ADSS1: variants seen among roughly 807,000 people sequenced by gnomAD.
The protein encoded by ADSS1 is adenylosuccinate synthetase isozyme 1.
A neutral mutation model predicts 59.1 loss-of-function variants in ADSS1; 57 were observed. The ratio of observed to expected loss-of-function variants is 0.97; its 90% confidence interval spans 0.78 to 1.20. ADSS1 has a LOEUF of 1.20. Among genes scored for constraint, ADSS1 ranks in the 50% most tolerant of loss-of-function variants. ADSS1 has a pLI of 0.00. For missense variants in ADSS1, 603 were observed against 610.3 expected (o/e 0.99, Z 0.13); for synonymous variants, 247 against 249.4 (o/e 0.99, Z 0.09).
At chr14:104,737,041 C>G (rs1053984986) in intron 2 of ADSS1, 1 of 151,838 alleles carries the variant, frequency 6.6e-6, no homozygotes, top group African/African-American at 2.4e-5. Context: ...GCCACCATGC[C>G]CCACCAGAGC....
chr14:104,738,273 C>A (rs1338656568), intron 2 of ADSS1, 103 bp from the exon 3 acceptor site: 6 of 1,229,938 alleles, frequency 4.9e-6, no homozygotes, highest in Non-Finnish European at 7.0e-6. Flanking sequence ...GCTAGGATTA[C>A]AGGCATGAGC....
chr14:104,724,476 C>G lies in ADSS1; in HGVS notation c.192+14C>G, dbSNP rs1890662298. On this transcript the variant is annotated intron_variant, in intron 1 of 12. Coordinates refer to ENST00000330877, the MANE Select transcript of ADSS1 (RefSeq NM_152328.5). Reference sequence around the variant, plus strand: ...AGCCGCTGCCAGGTGCGGGCTGGGGCGCCGGGTCCCTCCCCCACCGCCCAG... The same window carrying G: ...AGCCGCTGCCAGGTGCGGGCTGGGGGGCCGGGTCCCTCCCCCACCGCCCAG... The G allele has an allele frequency of 8.1e-7, 1 of 1,238,498 alleles. No individual in the cohort carries two copies. Among genetic ancestry groups the G allele is most frequent in the South Asian group, 4.1e-5 (1 of 24,440 alleles). 76.7% of individuals were successfully genotyped at this position (1,238,498 alleles called of 1,614,324 possible).
intron 8 of ADSS1, 29 bp from the exon 9 acceptor site, chr14:104,741,819 T>C: frequency 6.2e-7 from 1 of 1,610,200 alleles, no homozygotes; most frequent in Non-Finnish European, 8.5e-7. Flanking sequence ...GGGTGACAGG[T>C]AGCCCCCTAA....
At chr14:104,742,112 C>A in intron 9 of ADSS1, 110 bp downstream of exon 9, 1 of 1,397,782 alleles carries the variant, frequency 7.2e-7, no homozygotes, top group Non-Finnish European at 9.8e-7. Context: ...CTTGCCAGTG[C>A]CATCTCCCCA....
intron 10 of ADSS1, chr14:104,743,423 C>T (rs1891445541): frequency 7.5e-6 from 4 of 536,884 alleles, no homozygotes; most frequent in Middle Eastern, 8.5e-4. Flanking sequence ...GGGCTGATGC[C>T]GTGAAGGATG....
intron 5 of ADSS1, 111 bp downstream of exon 5, chr14:104,739,927 T>A: frequency 8.6e-7 from 1 of 1,165,144 alleles, no homozygotes; most frequent in Non-Finnish European, 1.2e-6. Context: ...CTCAACCCAC[T>A]CAAAGCCCCT....
intron 11 of ADSS1, chr14:104,745,898 C>A: frequency 5.6e-6 from 1 of 177,506 alleles, no homozygotes; most frequent in Admixed American, 6.4e-5. Context: ...TTCAGGATCC[C>A]TTAGTGCTTC....
chr14:104,747,243 C>T lies in ADSS1; in HGVS notation c.*240C>T. ...CAAAGTGCTCAGAGACCTTCTATGA[C>T]ACATTAGTGTCACATGGTTGCGTGT... On this transcript the variant is annotated 3_prime_UTR_variant, in exon 13 of 13. Coordinates refer to ENST00000330877, the MANE Select transcript of ADSS1 (RefSeq NM_152328.5). The T allele has an allele frequency of 2.5e-6, 1 of 401,600 alleles. No individual in the cohort carries two copies. Among genetic ancestry groups the T allele is most frequent in the Non-Finnish European group, 4.5e-6 (1 of 222,700 alleles). The allele number at this position is 401,600 out of a possible 1,614,324, so 24.9% of individuals were successfully genotyped here.
rs148757854 is a variant in ADSS1 at position 104,729,984 on chromosome 14, C to T, written c.193-5036C>T. On this transcript the variant is annotated intron_variant, in intron 1 of 12. Coordinates refer to ENST00000330877, the MANE Select transcript of ADSS1 (RefSeq NM_152328.5). The stretch of plus-strand genomic sequence containing the variant: ...GCCCTGACCCTCAGCTCGTCCCCAG[C>T]TCACAGCACAGCCCTCCCCTGGCTG... 8 of 1,596,940 alleles carry T rather than the reference C, an allele frequency of 5.0e-6. No individual in the cohort carries two copies. Among genetic ancestry groups the T allele is most frequent in the African/African-American group, 1.3e-5 (1 of 74,328 alleles).
At chr14:104,739,111 C>T (rs565849262) in intron 3 of ADSS1, among the ~76,000 whole-genome samples, 6 of 152,098 alleles carry the variant, frequency 3.9e-5, no homozygotes, top group African/African-American at 1.2e-4. Context: ...GGCATCCTGG[C>T]GGCGGGGTGG....
intron 2 of ADSS1, 57 bp from the exon 3 acceptor site, chr14:104,738,319 A>G: frequency 8.2e-6 from 13 of 1,584,358 alleles, no homozygotes; most frequent in East Asian, 2.2e-5. Flanking sequence ...TTCTTAATGT[A>G]TGTTTTCCAG....
At chr14:104,746,533 G>C (rs2140834955) in intron 12 of ADSS1, 148 bp downstream of exon 12, 1 of 1,220,434 alleles carries the variant, frequency 8.2e-7, no homozygotes, top group East Asian at 2.6e-5. Context: ...GGACGACTCG[G>C]AGCTGGGGCA....
Position 104,738,800 on chromosome 14 carries a change from G to A in ADSS1, c.358+362G>A, listed in dbSNP as rs758355304. Among the ~76,000 whole-genome samples, 14 of 152,346 alleles carry A rather than the reference G, an allele frequency of 9.2e-5. 1 individual carries two copies. The highest frequency in any genetic ancestry group is 7.7e-4 in the East Asian group (4 of 5,188). The stretch of plus-strand genomic sequence containing the variant: ...CTCTGCGGAGCATCTGGCCAGGCAC[G>A]CAGAGGCCAGACCCACCAGCTGGGG... On this transcript the variant is annotated intron_variant, in intron 3 of 12. Transcript: ENST00000330877.
intron 1 of ADSS1, 25 bp from the exon 2 acceptor site, chr14:104,734,995 C>G (rs1031625393): frequency 6.2e-7 from 1 of 1,606,954 alleles, no homozygotes; most frequent in Admixed American, 1.7e-5. Context: ...CAAGTGCCTT[C>G]AGCTCAGCCG....
chr14:104,730,140 C>T, intron 1 of ADSS1: 1 of 1,546,306 alleles, frequency 6.5e-7, no homozygotes, highest in Non-Finnish European at 8.7e-7. Flanking sequence ...AGCCACGGGT[C>T]AAATGCAGGA....
chr14:104,740,557 CA>C lies in ADSS1; in HGVS notation c.477-43del. 6.3e-7 allele frequency: 1 copy of C among 1,586,156 alleles called. No individual in the cohort carries two copies. ...GCCTCAGTGGGATGCCTGAGCTCCT[CA>C]GGGCTCCTGGGTTCTCATGGGTACC... On this transcript the variant is annotated intron_variant, in intron 5 of 12. Coordinates refer to ENST00000330877, the MANE Select transcript of ADSS1 (RefSeq NM_152328.5). The surrounding 1 kb of genome is among the most constrained non-coding windows in gnomAD (Gnocchi z 4.8).
intron 9 of ADSS1, among the ~76,000 whole-genome samples, chr14:104,742,634 G>A (rs891395721): frequency 6.6e-6 from 1 of 152,236 alleles, no homozygotes; most frequent in Non-Finnish European, 1.5e-5. Flanking sequence ...CACGGGGAGG[G>A]GCGGACGCCA....
At chr14:104,739,909 G>A (rs772588185) in intron 5 of ADSS1, 93 bp downstream of exon 5, 29 of 1,382,360 alleles carry the variant, frequency 2.1e-5, no homozygotes, top group Admixed American at 3.6e-5. Flanking sequence ...GCACAACGAG[G>A]AGGGTACCTC....
intron 1 of ADSS1, among the ~76,000 whole-genome samples, chr14:104,733,948 C>T (rs1004053957): frequency 6.6e-6 from 1 of 152,224 alleles, no homozygotes; most frequent in African/African-American, 2.4e-5. Context: ...GCCTTCTCTC[C>T]TGGGGCAGAG....
Sources: allele counts gnomAD v4.1 joint callset (sites outside exome capture counted in the v4.1 genomes callset), GRCh38; gene constraint gnomAD v4.1.1; non-coding constraint Gnocchi (gnomAD v3.1); transcripts MANE v1.5; gene names NCBI Gene and HGNC (gene_info 2026-07-23, HGNC 2026-07-21).